ZNF185: variants seen among roughly 807,000 people sequenced by gnomAD.
The protein encoded by ZNF185 is zinc finger protein 185.
In ZNF185, 56 loss-of-function variants were observed where a neutral mutation model predicts 58.6. That is an observed-to-expected ratio of 0.95 (90% CI 0.77 to 1.19). ZNF185 has a LOEUF of 1.19. Ranked by LOEUF, ZNF185 falls within the 50% of genes most tolerant of loss-of-function variation. The pLI is 0.00. For missense variants in ZNF185, 627 were observed against 573.5 expected (o/e 1.09, Z -0.95); for synonymous variants, 230 against 215.9 (o/e 1.07, Z -0.57).
At chrX:152,930,800 C>A (rs1354591976) in intron 12 of ZNF185, among the ~76,000 whole-genome samples, 2 of 110,955 alleles carry the variant, frequency 1.8e-5, no homozygotes, top group Non-Finnish European at 3.8e-5. Context: ...CTGGAGTGGC[C>A]CACTGGGTCA....
intron 16 of ZNF185, among the ~76,000 whole-genome samples, chrX:152,957,509 T>C (rs2048970829): frequency 8.9e-6 from 1 of 112,411 alleles, no homozygotes; most frequent in African/African-American, 3.2e-5. Context: ...CTAGTCAAGA[T>C]AATTTTTAGA....
At chrX:152,924,167 T>G (rs112336640) in intron 11 of ZNF185, among the ~76,000 whole-genome samples, 5 of 111,352 alleles carry the variant, frequency 4.5e-5, no homozygotes, top group African/African-American at 1.6e-4. Flanking sequence ...CAGGCTGGAG[T>G]GCAGTGGCAC....
chrX:152,935,982 G>A (rs1312507947), intron 14 of ZNF185, among the ~76,000 whole-genome samples: 1 of 112,485 alleles, frequency 8.9e-6, no homozygotes, highest in Non-Finnish European at 1.9e-5. Flanking sequence ...AAGGTGCACT[G>A]CTTCTATAAA....
At chrX:152,904,536 G>A in the ZNF185 span, among the ~76,000 whole-genome samples, 1 of 112,529 alleles carries the variant, frequency 8.9e-6, no homozygotes, top group Non-Finnish European at 1.9e-5. Flanking sequence ...CAAATGGAAC[G>A]TTTCATCATT....
rs188278488 is a variant in ZNF185, at chrX:152,928,603, C to T, written c.859C>T (p.Gln287Ter). The change falls in exon 12 of 23, where the codon CAG becomes TAG. Residue 287 changes from glutamine to a stop codon, truncating the protein, a stop_gained. Transcript: ENST00000449285. LOFTEE classifies it high-confidence loss of function. Reference sequence around the variant, plus strand: ...AAGAGGTGAGGAAATTGTCCGCCTGCAGATCCTGACACCCAGGGCAGGACT... The same window carrying T: ...AAGAGGTGAGGAAATTGTCCGCCTGTAGATCCTGACACCCAGGGCAGGACT... 2 of 1,210,727 alleles carry T rather than the reference C, an allele frequency of 1.7e-6. No individual in the cohort carries two copies. The highest frequency in any genetic ancestry group is 2.2e-6 in the Non-Finnish European group (2 of 895,302).
At chrX:152,931,699 G>T in exon 13 of ZNF185, 1 of 1,210,343 alleles carries the variant, frequency 8.3e-7, no homozygotes, top group Non-Finnish European at 1.1e-6. Context: ...AAGACAAGGA[G>T]GCCCCCTGCT....
intron 19 of ZNF185, among the ~76,000 whole-genome samples, chrX:152,966,861 G>A (rs1406232784): frequency 9.0e-6 from 1 of 110,729 alleles, no homozygotes; most frequent in African/African-American, 3.3e-5. Flanking sequence ...TGCTGAGTGG[G>A]CTCCTGGTGA....
At chrX:152,924,557 C>T (rs1940453503) in intron 11 of ZNF185, among the ~76,000 whole-genome samples, 1 of 112,242 alleles carries the variant, frequency 8.9e-6, no homozygotes, top group Non-Finnish European at 1.9e-5. Flanking sequence ...GAGTTAAGAC[C>T]TCAACATATG....
Position 152,969,669 on chromosome X carries a change from C to T in ZNF185, c.1974+185C>T, listed in dbSNP as rs554912917. Reference sequence around the variant, plus strand: ...CTGGGAGCTGAATGAGCTTCCAAGTCTAAGACAGTAGATGAGTGTTGGTGG... The same window carrying T: ...CTGGGAGCTGAATGAGCTTCCAAGTTTAAGACAGTAGATGAGTGTTGGTGG... On this transcript the variant is annotated intron_variant, in intron 21 of 22. Coordinates refer to ENST00000449285, the Ensembl canonical transcript of ZNF185. Among the ~76,000 whole-genome samples the T allele has an allele frequency of 4.5e-5, 5 of 112,350 alleles. No homozygotes were observed. In the South Asian group the frequency reaches 1.5e-3, roughly 33 times the overall value.
Position 152,934,815 on chromosome X carries a change from CCTCT to C in ZNF185, c.1121+1846_1121+1849del, listed in dbSNP as rs1569503344. Among the ~76,000 whole-genome samples the C allele has an allele frequency of 6.6e-3, 732 of 110,235 alleles. 6 individuals are homozygous for C. Among genetic ancestry groups the C allele is most frequent in the African/African-American group, 0.023 (676 of 29,766 alleles). ...TTATTTTTCCCACATCTCATCTCATCCTCTCCTCTCCTCTCCTCTCCTTTTTCAG... is the reference window on the plus strand; with the variant it reads ...TTATTTTTCCCACATCTCATCTCATCCCTCTCCTCTCCTCTCCTTTTTCAG... On this transcript the variant is annotated intron_variant, in intron 14 of 22. Transcript: ENST00000449285.
the ZNF185 span, among the ~76,000 whole-genome samples, chrX:152,905,810 GA>G: frequency 1.8e-5 from 2 of 110,262 alleles, no homozygotes; most frequent in Non-Finnish European, 3.8e-5. Flanking sequence ...GACCAGAATG[GA>G]GGGGTGGAGG....
the ZNF185 span, among the ~76,000 whole-genome samples, chrX:152,900,528 C>T: frequency 1.8e-5 from 2 of 113,225 alleles, no homozygotes; most frequent in Admixed American, 9.2e-5. Context: ...CTCTCCAGTG[C>T]GGCAACCCCT....
intron 14 of ZNF185, among the ~76,000 whole-genome samples, chrX:152,935,515 C>T (rs1440887008): frequency 1.1e-4 from 12 of 112,485 alleles, no homozygotes; most frequent in Non-Finnish European, 1.5e-4. Context: ...GGATTACAGG[C>T]GTGAGCCATC....
chrX:152,905,719 G>GT, the ZNF185 span, among the ~76,000 whole-genome samples: 2 of 105,452 alleles, frequency 1.9e-5, no homozygotes, highest in Admixed American at 9.7e-5. Flanking sequence ...GGCTTGGGGG[G>GT]GGGGCGGGGT....
intron 15 of ZNF185, among the ~76,000 whole-genome samples, chrX:152,943,325 G>C (rs1167542116): frequency 2.7e-5 from 3 of 112,277 alleles, no homozygotes; most frequent in Non-Finnish European, 5.6e-5. Flanking sequence ...AAGAATGGAA[G>C]TGTGTAGATT....
chrX:152,957,294 G>A (rs978760329), intron 16 of ZNF185, among the ~76,000 whole-genome samples: 3 of 107,662 alleles, frequency 2.8e-5, no homozygotes, highest in Non-Finnish European at 1.9e-5. Flanking sequence ...GGCTGGTCTC[G>A]AACTCCCAGG....
chrX:152,950,894 G>A (rs1556899412), intron 16 of ZNF185, among the ~76,000 whole-genome samples: 1 of 111,622 alleles, frequency 9.0e-6, no homozygotes, highest in African/African-American at 3.3e-5. Flanking sequence ...TAACATGGTT[G>A]TAAAGAATCT....
upstream of ZNF185, among the ~76,000 whole-genome samples, chrX:152,909,628 G>C (rs1936820583): frequency 8.9e-6 from 1 of 112,657 alleles, no homozygotes; most frequent in African/African-American, 3.2e-5. Flanking sequence ...AGCAACCTCT[G>C]TCTGGCATCC....
At chrX:152,970,047 A>T (rs1312352670) in intron 21 of ZNF185, among the ~76,000 whole-genome samples, 1 of 111,136 alleles carries the variant, frequency 9.0e-6, no homozygotes, top group Non-Finnish European at 1.9e-5. Context: ...TGTCCTCCCC[A>T]CAGGGCCTGA....
Sources: gnomAD v4.1 joint callset for allele counts (sites outside exome capture counted in the v4.1 genomes callset) on GRCh38, gnomAD v4.1.1 for gene constraint, MANE v1.5 for transcripts, NCBI Gene and HGNC (gene_info 2026-07-23, HGNC 2026-07-21) for gene names.